The following ASTN1 variants were observed in gnomAD, a reference collection of about 807,000 sequenced individuals.
ASTN1 encodes astrotactin-1.
ASTN1 carries 41 observed loss-of-function variants against 140.7 expected under a neutral mutation model. The observed-to-expected ratio is 0.29, with a 90% CI of 0.23 to 0.38. The LOEUF (loss-of-function observed/expected upper bound fraction) is 0.38, where lower values mean the gene tolerates loss of function less well. Among genes scored for constraint, ASTN1 ranks in the 10% least tolerant of loss-of-function variants. ASTN1 has a pLI of 1.00. For synonymous variants in ASTN1, 640 were observed against 652.2 expected (o/e 0.98, Z 0.29); for missense variants, 1,479 against 1,678.8 (o/e 0.88, Z 2.08).
Position 176,958,496 on chromosome 1 carries a change from C to A in ASTN1, c.1599-14G>T, listed in dbSNP as rs1251995400. The stretch of plus-strand genomic sequence containing the variant: ...GTGTAGGTGAATCTGCAGGGACACC[C>A]AGTGCCAGGTGGTCATGACTGGGGG... On this transcript the variant is annotated splice_polypyrimidine_tract_variant and intron_variant, in intron 9 of 22. Coordinates refer to ENST00000361833, the MANE Select transcript of ASTN1 (RefSeq NM_004319.3). 1.9e-6 allele frequency: 3 copies of A among 1,603,032 alleles called. No homozygotes were observed. Among genetic ancestry groups the A allele is most frequent in the Non-Finnish European group, 2.6e-6 (3 of 1,174,434 alleles).
At chr1:176,900,930 TACAC>T (rs758789507) in intron 16 of ASTN1, among the ~76,000 whole-genome samples, 2 of 152,202 alleles carry the variant, frequency 1.3e-5, no homozygotes, top group African/African-American at 2.4e-5. Flanking sequence ...TTATATGTAA[TACAC>T]ACTAATGTAT....
chr1:176,930,856 G>A (rs1039777093), intron 16 of ASTN1, among the ~76,000 whole-genome samples: 3 of 152,116 alleles, frequency 2.0e-5, no homozygotes, highest in South Asian at 2.1e-4. Context: ...AAGGTACAGC[G>A]GTAAAGAGGG....
chr1:177,046,123 T>A (rs1677207663), intron 2 of ASTN1, among the ~76,000 whole-genome samples: 1 of 152,154 alleles, frequency 6.6e-6, no homozygotes, highest in Non-Finnish European at 1.5e-5. Flanking sequence ...CATAGTTTTT[T>A]CTGCCACCAC....
chr1:176,868,368 T>C (rs997337499), intron 22 of ASTN1, among the ~76,000 whole-genome samples: 2 of 152,170 alleles, frequency 1.3e-5, no homozygotes, highest in African/African-American at 4.8e-5. Flanking sequence ...CCGGCCAAGA[T>C]TGATGTCAAG....
intron 1 of ASTN1, among the ~76,000 whole-genome samples, chr1:177,124,427 A>G (rs115946271): frequency 2.1e-3 from 314 of 152,272 alleles, no homozygotes; most frequent in African/African-American, 7.4e-3. Flanking sequence ...CTCTCCCACA[A>G]AATTCTCACC....
intron 1 of ASTN1, among the ~76,000 whole-genome samples, chr1:177,144,480 C>G (rs1490885849): frequency 1.3e-5 from 2 of 150,280 alleles, no homozygotes; most frequent in East Asian, 3.9e-4. Context: ...TCTTGATCTC[C>G]TGACCTCGTG....
intron 1 of ASTN1, among the ~76,000 whole-genome samples, chr1:177,067,407 G>A (rs1020283895): frequency 2.0e-5 from 3 of 151,898 alleles, no homozygotes; most frequent in Non-Finnish European, 2.9e-5. Flanking sequence ...ATAACAAATG[G>A]GTCTTGTCTA....
chr1:176,953,453 C>T (rs935371773), intron 11 of ASTN1, among the ~76,000 whole-genome samples: 2 of 152,132 alleles, frequency 1.3e-5, no homozygotes, highest in African/African-American at 2.4e-5. Context: ...ATAATGATTC[C>T]CAAACTTTTT....
chr1:176,899,280 A>G (rs1669661138), intron 16 of ASTN1, among the ~76,000 whole-genome samples: 1 of 152,202 alleles, frequency 6.6e-6, no homozygotes, highest in Non-Finnish European at 1.5e-5. Context: ...GGATGTGCAC[A>G]TGGCCTTAGG....
chr1:177,108,402 G>T (rs997035502), intron 1 of ASTN1, among the ~76,000 whole-genome samples: 1 of 151,764 alleles, frequency 6.6e-6, no homozygotes, highest in Non-Finnish European at 1.5e-5. Flanking sequence ...CTCTGAAGGG[G>T]ATGTGTGTAT....
At position 176,862,023 on chromosome 1, in the gene ASTN1, C is replaced by T; in HGVS notation, c.*2261G>A. ...CCTCCTTTCACTCAAGCTTAAAACA[C>T]CGTGTTCTGCACAGATATGAATAGA... is the stretch of plus-strand genomic sequence containing the variant. On this transcript the variant is annotated 3_prime_UTR_variant, in exon 23 of 23. Transcript: ENST00000361833. 1 of 985,480 alleles carries T rather than the reference C, an allele frequency of 1.0e-6. No individual in the cohort carries two copies. The highest frequency in any genetic ancestry group is 1.2e-6 in the Non-Finnish European group (1 of 829,982). The allele number at this position is 985,480 out of a possible 1,614,324, so 61.0% of individuals were successfully genotyped here. A position where few individuals can be genotyped will look rare whatever the true frequency, so the allele number is the denominator to read the frequency against.
At chr1:176,893,498 C>T (rs142375558) in intron 17 of ASTN1, among the ~76,000 whole-genome samples, 9 of 152,318 alleles carry the variant, frequency 5.9e-5, no homozygotes, top group African/African-American at 2.2e-4. Flanking sequence ...CTGTGAAAAA[C>T]CTTATTTTCA....
At chr1:176,871,185 G>T (rs964651935) in intron 21 of ASTN1, among the ~76,000 whole-genome samples, 1 of 152,160 alleles carries the variant, frequency 6.6e-6, no homozygotes. Context: ...GGGAATCCTA[G>T]TAGCTGTGCA....
chr1:176,914,344 A>C (rs2103064447), intron 16 of ASTN1, among the ~76,000 whole-genome samples: 1 of 152,284 alleles, frequency 6.6e-6, no homozygotes, highest in East Asian at 1.9e-4. Context: ...TCATGGAGGA[A>C]TATGTTCTGA....
rs1372907571 is a variant in ASTN1, at chr1:176,999,775, T to C, written c.1523+15016A>G. ...TTTCCCCATATTGTTCTCGGGATAG[T>C]GAGTGGGTTCTCACAAGATTTGATG... On this transcript the variant is annotated intron_variant, in intron 8 of 22. Transcript: ENST00000361833. Among the ~76,000 whole-genome samples the C allele has an allele frequency of 2.0e-5, 3 of 152,116 alleles. No individual in the cohort carries two copies. The East Asian group carries it at 5.8e-4, about 29-fold the overall frequency.
At chr1:177,028,983 G>A (rs964839396) in intron 5 of ASTN1, among the ~76,000 whole-genome samples, 4 of 152,162 alleles carry the variant, frequency 2.6e-5, no homozygotes, top group South Asian at 2.1e-4. Flanking sequence ...AGCTGTGGCC[G>A]GAATAGCCAC....
chr1:177,061,210 C>T lies in ASTN1; in HGVS notation c.339G>A (p.Leu113=). The T allele has an allele frequency of 6.2e-7, 1 of 1,606,834 alleles. No homozygotes were observed. Among genetic ancestry groups the T allele is most frequent in the Non-Finnish European group, 8.5e-7 (1 of 1,176,640 alleles). The change falls in exon 2 of 23, where the codon CTG becomes CTA. Residue 113 remains leucine, a synonymous_variant. Transcript: ENST00000361833. ...TGTGAAAAAGCAAAGTGCCATTCTC[C>T]AGCCACTGCTGCCTCCAGCGCACCA... is the stretch of plus-strand genomic sequence containing the variant. ...IPLVRWRQQW[L]ENGTLLFHIH...
rs577199047 is a variant in ASTN1, at chr1:176,878,160, C to T, written c.3363-1523G>A. On this transcript the variant is annotated intron_variant, in intron 20 of 22. Coordinates refer to ENST00000361833, the MANE Select transcript of ASTN1 (RefSeq NM_004319.3). ...TGGTCTGCTGGGACTCAGAATGTGACGATCTGCCTAGATTCAGGACACAGC... is the reference window on the plus strand; with the variant it reads ...TGGTCTGCTGGGACTCAGAATGTGATGATCTGCCTAGATTCAGGACACAGC... Among the ~76,000 whole-genome samples, 184 of 152,280 alleles carry T rather than the reference C, an allele frequency of 1.2e-3. 1 individual carries two copies. The highest frequency in any genetic ancestry group is 5.7e-4 in the Non-Finnish European group (39 of 68,014).
At chr1:177,097,451 C>A (rs79828449) in intron 1 of ASTN1, among the ~76,000 whole-genome samples, 1 of 152,122 alleles carries the variant, frequency 6.6e-6, no homozygotes, top group Non-Finnish European at 1.5e-5. Context: ...CTATGCAATT[C>A]ATTTAATAAA....
Sources: allele counts gnomAD v4.1 joint callset (sites outside exome capture counted in the v4.1 genomes callset), GRCh38; gene constraint gnomAD v4.1.1; transcripts MANE v1.5; gene names NCBI Gene and HGNC (gene_info 2026-07-23, HGNC 2026-07-21).